The following EPB41L3 variants were observed in gnomAD, a reference collection of about 807,000 sequenced individuals.
EPB41L3 encodes erythrocyte membrane protein band 4.1 like 3.
Under a neutral mutation model 127.1 loss-of-function variants are expected in EPB41L3, and 57 were observed. The ratio of observed to expected loss-of-function variants is 0.45; its 90% CI spans 0.36 to 0.56. The LOEUF (loss-of-function observed/expected upper bound fraction) is 0.56. EPB41L3 is among the 20% of genes least tolerant of loss of function. EPB41L3 has a pLI of 0.00. For missense variants in EPB41L3, 1,273 were observed against 1,372.2 expected (o/e 0.93, Z 1.14); for synonymous variants, 572 against 549.5 (o/e 1.04, Z -0.57).
At chr18:5,557,028 G>A (rs1037129876) in intron 3 of EPB41L3, among the ~76,000 whole-genome samples, 4 of 152,136 alleles carry the variant, frequency 2.6e-5, no homozygotes, top group Admixed American at 2.6e-4. Flanking sequence ...ACACATAGCT[G>A]CAAAAGCTGA....
At chr18:5,572,586 T>C (rs1599046987) in intron 3 of EPB41L3, among the ~76,000 whole-genome samples, 1 of 152,196 alleles carries the variant, frequency 6.6e-6, no homozygotes, top group African/African-American at 2.4e-5. Context: ...TTGGTTTTGT[T>C]TTTTAGAGAC....
At chr18:5,553,437 C>T (rs528960960) in intron 3 of EPB41L3, among the ~76,000 whole-genome samples, 15 of 152,276 alleles carry the variant, frequency 9.9e-5, no homozygotes, top group African/African-American at 3.6e-4. Flanking sequence ...AGAGTCCATG[C>T]TCTTAACCAT....
rs778377203 is a variant in EPB41L3, at chr18:5,423,431, T to A, written c.1286A>T (p.Tyr429Phe). The change falls in exon 11 of 23, where the codon TAC becomes TTC. Residue 429 changes from tyrosine (Y) to phenylalanine (F), a missense_variant. Tyr to Phe is a conservative substitution (Grantham distance 22). Around this residue, in one of 3 missense-constraint regions of EPB41L3, gnomAD observed 326 missense variants for 440.2 expected, o/e 0.74. Coordinates refer to ENST00000341928, the MANE Select transcript of EPB41L3 (RefSeq NM_012307.5). ...ACGTTTGCTGGATGAGCGTTCAAAGTAAGGTGCTGGGCGATCTATCAACGC... is the reference window on the plus strand; with the variant it reads ...ACGTTTGCTGGATGAGCGTTCAAAGAAAGGTGCTGGGCGATCTATCAACGC... ...ASALIDRPAP[Y>F]FERSSSKRYT... 1 of 1,613,434 alleles carries A rather than the reference T, an allele frequency of 6.2e-7. No individual in the cohort carries two copies. Among genetic ancestry groups the A allele is most frequent in the Non-Finnish European group, 8.5e-7 (1 of 1,179,504 alleles).
chr18:5,524,000 T>G (rs897925578), intron 1 of EPB41L3, among the ~76,000 whole-genome samples: 2 of 152,152 alleles, frequency 1.3e-5, no homozygotes, highest in African/African-American at 4.8e-5. Flanking sequence ...TATATATGTG[T>G]GTGTATATAT....
At chr18:5,545,986 A>T (rs2093875072), upstream of EPB41L3, among the ~76,000 whole-genome samples, 1 of 152,128 alleles carries the variant, frequency 6.6e-6, no homozygotes, top group African/African-American at 2.4e-5. Flanking sequence ...AAAGCACTCC[A>T]TTGAAAGTGG....
chr18:5,507,230 CACAA>C (rs1394436741), intron 1 of EPB41L3, among the ~76,000 whole-genome samples: 1 of 152,112 alleles, frequency 6.6e-6, no homozygotes, highest in African/African-American at 2.4e-5. Context: ...CACACACAAA[CACAA>C]ACACACACAC....
intron 1 of EPB41L3, among the ~76,000 whole-genome samples, chr18:5,541,952 G>T (rs2093742394): frequency 6.6e-6 from 1 of 152,218 alleles, no homozygotes; most frequent in Admixed American, 6.5e-5. Context: ...AGTAAGTTGT[G>T]CATCTGATAT....
intron 9 of EPB41L3, among the ~76,000 whole-genome samples, chr18:5,425,194 T>A (rs565038538): frequency 6.6e-6 from 1 of 152,270 alleles, no homozygotes; most frequent in East Asian, 1.9e-4. Flanking sequence ...CAAAAATCAT[T>A]TATATGGCAA....
At chr18:5,600,810 CAGAGTCAAG>C (rs1175255312) in intron 3 of EPB41L3, among the ~76,000 whole-genome samples, 4 of 152,136 alleles carry the variant, frequency 2.6e-5, no homozygotes, top group African/African-American at 9.7e-5. Context: ...GCTGCCGCTG[CAGAGTCAAG>C]AGCTAGAAGG....
At chr18:5,589,044 T>C (rs1057097173) in intron 3 of EPB41L3, among the ~76,000 whole-genome samples, 12 of 152,150 alleles carry the variant, frequency 7.9e-5, no homozygotes, top group African/African-American at 2.9e-4. Context: ...TAGAGGGATG[T>C]AGGCACACTA....
At chr18:5,401,125 T>C (rs772914844) in intron 16 of EPB41L3, 2 of 714,478 alleles carry the variant, frequency 2.8e-6, no homozygotes, top group South Asian at 1.7e-5. Context: ...AGTTCTTTCA[T>C]TGTATTATCT....
chr18:5,419,950 A>G (rs1598712272), intron 11 of EPB41L3, 73 bp from the exon 12 acceptor site: 1 of 1,610,396 alleles, frequency 6.2e-7, no homozygotes. Context: ...AAATACAATT[A>G]AAGAAATAAA....
intron 5 of EPB41L3, among the ~76,000 whole-genome samples, chr18:5,440,317 A>G (rs914147722): frequency 2.0e-5 from 3 of 152,136 alleles, no homozygotes; most frequent in Non-Finnish European, 2.9e-5. Flanking sequence ...AAACAATGGG[A>G]AAGTGTACAG....
At chr18:5,502,204 T>C (rs2091807585) in intron 1 of EPB41L3, among the ~76,000 whole-genome samples, 1 of 152,142 alleles carries the variant, frequency 6.6e-6, no homozygotes, top group South Asian at 2.1e-4. Context: ...CCATTTTAAA[T>C]TCTTTGTCTC....
chr18:5,411,162 A>G (rs1487234940), intron 13 of EPB41L3, among the ~76,000 whole-genome samples: 1 of 152,228 alleles, frequency 6.6e-6, no homozygotes, highest in Non-Finnish European at 1.5e-5. Flanking sequence ...TTACCTGTCA[A>G]TTATAAAAGG....
chr18:5,401,106 T>C lies in EPB41L3; in HGVS notation c.2350-2963A>G, dbSNP rs960379679. Reference sequence around the variant, plus strand: ...GTAGACAGTTTCCAAAAAGGCAAGTTAGGAAGGGAGTTCTTTCATTGTATT... The same window carrying C: ...GTAGACAGTTTCCAAAAAGGCAAGTCAGGAAGGGAGTTCTTTCATTGTATT... On this transcript the variant is annotated intron_variant, in intron 16 of 22. Transcript: ENST00000341928. 9.5e-6 allele frequency: 9 copies of C among 943,000 alleles called. No homozygotes were observed. The Admixed American group carries it at 1.0e-4, about 11-fold the overall frequency. The allele number at this position is 943,000 out of a possible 1,614,324, so 58.4% of individuals were successfully genotyped here.
chr18:5,548,890 T>C (rs1288654475), upstream of EPB41L3, among the ~76,000 whole-genome samples: 2 of 152,228 alleles, frequency 1.3e-5, no homozygotes, highest in East Asian at 3.8e-4. Flanking sequence ...ATGATCACTA[T>C]TGAATTATAT....
Position 5,543,966 on chromosome 18 carries a change from G to C in EPB41L3, c.-65C>G. On this transcript the variant is annotated 5_prime_UTR_variant, in exon 1 of 23. Transcript: ENST00000341928. This position sits in a 1 kb window ranked among gnomAD's most constrained non-coding sequence, Gnocchi z 5.2. ...CGCGGCGTGGGGACTAGGCTCGGGC[G>C]CGCGTCCTCGGCGGCGGTGCGCAGG... is the stretch of plus-strand genomic sequence containing the variant. 1.0e-6 allele frequency: 1 copy of C among 985,652 alleles called. No homozygotes were observed. Among genetic ancestry groups the C allele is most frequent in the Non-Finnish European group, 1.2e-6 (1 of 830,082 alleles). 61.1% of individuals were successfully genotyped at this position (985,652 alleles called of 1,614,324 possible). A position where few individuals can be genotyped will look rare whatever the true frequency, so the allele number is the denominator to read the frequency against.
intron 3 of EPB41L3, among the ~76,000 whole-genome samples, chr18:5,449,100 G>T (rs986186185): frequency 6.6e-6 from 1 of 152,116 alleles, no homozygotes; most frequent in African/African-American, 2.4e-5. Flanking sequence ...ATCTGATAAA[G>T]AACTGGTACC....
Sources: allele counts gnomAD v4.1 joint callset (sites outside exome capture counted in the v4.1 genomes callset), GRCh38; gene constraint gnomAD v4.1.1; regional missense constraint gnomAD v4.1.1; non-coding constraint Gnocchi (gnomAD v3.1); transcripts MANE v1.5; gene names NCBI Gene and HGNC (gene_info 2026-07-23, HGNC 2026-07-21).